PLEKHA7: variants seen among roughly 807,000 people sequenced by gnomAD.
The protein encoded by PLEKHA7 is pleckstrin homology domain-containing family A member 7.
PLEKHA7 carries 104 observed loss-of-function variants against 170.0 expected under a neutral mutation model. The ratio of observed to expected loss-of-function variants is 0.61; its 90% confidence interval spans 0.52 to 0.72. The LOEUF (loss-of-function observed/expected upper bound fraction) is 0.72, where lower values mean the gene tolerates loss of function less well. Among genes scored for constraint, PLEKHA7 ranks in the 30% least tolerant of loss-of-function variants. PLEKHA7 has a pLI of 0.00. For missense variants in PLEKHA7, 1,615 were observed against 1,671.7 expected (o/e 0.97, Z 0.59); for synonymous variants, 648 against 660.8 (o/e 0.98, Z 0.30).
intron 8 of PLEKHA7, among the ~76,000 whole-genome samples, chr11:16,848,568 T>TA (rs1852658575): frequency 6.6e-6 from 1 of 152,260 alleles, no homozygotes; most frequent in African/African-American, 2.4e-5. Context: ...ACGTACTGCA[T>TA]AATGGATCTG....
At chr11:16,826,689 TC>T in intron 9 of PLEKHA7, 99 bp from the exon 10 acceptor site, 1 of 1,077,410 alleles carries the variant, frequency 9.3e-7, no homozygotes, top group Non-Finnish European at 1.3e-6. Flanking sequence ...CACAGGCTAT[TC>T]CCTCTGCTCA....
intron 3 of PLEKHA7, among the ~76,000 whole-genome samples, chr11:16,985,034 T>C (rs780591970): frequency 3.9e-5 from 6 of 152,218 alleles, no homozygotes; most frequent in Non-Finnish European, 7.3e-5. Context: ...GATCCGGATA[T>C]CCTATACCAT....
At chr11:16,957,689 A>ATATTTTTT (rs1420004461) in intron 3 of PLEKHA7, among the ~76,000 whole-genome samples, 8 of 118,224 alleles carry the variant, frequency 6.8e-5, no homozygotes, top group South Asian at 2.7e-4. Context: ...TACCTCAATA[A>ATATTTTTT]TTTTTTTCTT....
chr11:16,849,279 A>G (rs558606139), intron 8 of PLEKHA7, among the ~76,000 whole-genome samples: 111 of 152,376 alleles, frequency 7.3e-4, no homozygotes, highest in African/African-American at 2.1e-3. Flanking sequence ...TGAAGTGTTA[A>G]GATAAAAATT....
chr11:16,957,435 T>C (rs1332433578), intron 3 of PLEKHA7, among the ~76,000 whole-genome samples: 1 of 152,228 alleles, frequency 6.6e-6, no homozygotes, highest in Non-Finnish European at 1.5e-5. Context: ...AATTATCTCA[T>C]GTATGATTCC....
At chr11:16,796,745 T>C (rs1848256799) in intron 17 of PLEKHA7, among the ~76,000 whole-genome samples, 1 of 152,194 alleles carries the variant, frequency 6.6e-6, no homozygotes, top group African/African-American at 2.4e-5. Context: ...AACCTCAAAC[T>C]CCTGGGCTCA....
At chr11:16,785,899 C>T (rs981774865) in intron 24 of PLEKHA7, among the ~76,000 whole-genome samples, 4 of 152,222 alleles carry the variant, frequency 2.6e-5, no homozygotes, top group African/African-American at 9.6e-5. Flanking sequence ...CTGCTGCTCA[C>T]GTGCCTACTA....
At chr11:16,949,252 GC>G (rs966788181) in intron 3 of PLEKHA7, among the ~76,000 whole-genome samples, 18 of 152,166 alleles carry the variant, frequency 1.2e-4, no homozygotes, top group African/African-American at 3.6e-4. Context: ...TTCCACCTAA[GC>G]CCCATCTCCC....
chr11:16,818,602 T>C (rs1849957637), intron 10 of PLEKHA7, among the ~76,000 whole-genome samples: 1 of 152,240 alleles, frequency 6.6e-6, no homozygotes, highest in Non-Finnish European at 1.5e-5. Context: ...GATCTTTTCA[T>C]ACTTCCAAGA....
intron 16 of PLEKHA7, 146 bp downstream of exon 16, chr11:16,801,522 C>T: frequency 1.0e-6 from 1 of 994,558 alleles, no homozygotes; most frequent in Admixed American, 2.3e-5. Flanking sequence ...TATCTACTGT[C>T]AGGTGGCAGT....
At chr11:16,788,042 G>A (rs1849521898) in intron 23 of PLEKHA7, 1 of 152,402 alleles carries the variant, frequency 6.6e-6, no homozygotes, top group African/African-American at 2.4e-5. Flanking sequence ...CCTCAGTCTT[G>A]GGAGAATGTA....
intron 9 of PLEKHA7, among the ~76,000 whole-genome samples, chr11:16,831,059 C>T (rs1027180950): frequency 2.0e-5 from 3 of 152,210 alleles, no homozygotes; most frequent in African/African-American, 7.2e-5. Flanking sequence ...GGTGGCAGAG[C>T]GAATGGCAGT....
At chr11:16,885,406 C>T (rs1164075938) in intron 3 of PLEKHA7, among the ~76,000 whole-genome samples, 1 of 152,026 alleles carries the variant, frequency 6.6e-6, no homozygotes, top group Non-Finnish European at 1.5e-5. Context: ...TGCCTCTAAT[C>T]CCAGCACTTT....
At chr11:16,902,336 T>C (rs1388085875) in intron 3 of PLEKHA7, among the ~76,000 whole-genome samples, 1 of 152,228 alleles carries the variant, frequency 6.6e-6, no homozygotes, top group African/African-American at 2.4e-5. Flanking sequence ...GGACATGGTT[T>C]CACTTCTCTT....
intron 3 of PLEKHA7, among the ~76,000 whole-genome samples, chr11:16,924,847 G>A (rs375487215): frequency 6.6e-6 from 1 of 152,172 alleles, no homozygotes; most frequent in South Asian, 2.1e-4. Context: ...GGAGCTTGCC[G>A]GCGTTGCCAT....
Position 16,778,814 on chromosome 11 carries a change from C to T in PLEKHA7, c.*184G>A. 1.6e-6 allele frequency: 1 copy of T among 623,680 alleles called. No homozygotes were observed. The allele number at this position is 623,680 out of a possible 1,614,324, so 38.6% of individuals were successfully genotyped here. A position where few individuals can be genotyped will look rare whatever the true frequency, so the allele number is the denominator to read the frequency against. The stretch of plus-strand genomic sequence containing the variant: ...ATTCATATGTAGAGAGGAGTCTGAG[C>T]TAAACTAGTGGGTGCATATTAGGGC... On this transcript the variant is annotated 3_prime_UTR_variant, in exon 27 of 27. Transcript: ENST00000531066.
chr11:16,790,978 T>C (rs781414199), intron 20 of PLEKHA7, 33 bp downstream of exon 20: 1 of 1,613,740 alleles, frequency 6.2e-7, no homozygotes, highest in Non-Finnish European at 8.5e-7. Flanking sequence ...TCTCCCCACA[T>C]GTAGAGTGGC....
At chr11:17,007,181 T>C (rs1398261156) in intron 3 of PLEKHA7, among the ~76,000 whole-genome samples, 3 of 152,240 alleles carry the variant, frequency 2.0e-5, no homozygotes, top group Non-Finnish European at 4.4e-5. Flanking sequence ...TGGGGCATGG[T>C]GGTGGCAACT....
intron 3 of PLEKHA7, among the ~76,000 whole-genome samples, chr11:16,965,017 A>G (rs1288533459): frequency 6.6e-6 from 1 of 151,980 alleles, no homozygotes; most frequent in Non-Finnish European, 1.5e-5. Context: ...AAAAAAAAAA[A>G]AAAGGTTTGG....
Sources: gnomAD v4.1 joint callset for allele counts (sites outside exome capture counted in the v4.1 genomes callset) on GRCh38, gnomAD v4.1.1 for gene constraint, MANE v1.5 for transcripts, NCBI Gene and HGNC (gene_info 2026-07-23, HGNC 2026-07-21) for gene names.